ASF1A: variants seen among roughly 807,000 people sequenced by gnomAD.
The protein encoded by ASF1A is anti-silencing function 1A histone chaperone.
A neutral mutation model predicts 22.0 loss-of-function variants in ASF1A; 5 were observed. That is an observed-to-expected ratio of 0.23 (90% CI 0.12 to 0.48). ASF1A has a LOEUF of 0.48. Ranked by LOEUF, ASF1A falls within the 20% of genes least tolerant of loss-of-function variation. The probability of loss-of-function intolerance (pLI) is 0.99; values close to 1 mark genes in which losing one functional copy is unlikely to be tolerated. For missense variants in ASF1A, 137 were observed against 240.6 expected, an observed-to-expected ratio of 0.57 and a Z score of 2.85; for synonymous variants, 97 against 86.7, an observed-to-expected ratio of 1.12 and a Z score of -0.66.
intron 2 of ASF1A, among the ~76,000 whole-genome samples, chr6:118,903,743 G>A (rs1407206): frequency 0.076 from 11,632 of 152,196 alleles, 686 homozygotes; most frequent in East Asian, 0.19. Context: ...AGGGGGTGAA[G>A]TATTTCTTTT....
chr6:118,904,997 C>A (rs1019579346), intron 2 of ASF1A, among the ~76,000 whole-genome samples: 8 of 152,096 alleles, frequency 5.3e-5, no homozygotes, highest in African/African-American at 1.9e-4. Context: ...GCCACCATGC[C>A]CAGCTAATTT....
chr6:118,908,855 CTT>C lies in ASF1A; in HGVS notation c.*1244_*1245del, dbSNP rs1554261435. The C allele has an allele frequency of 6.6e-6, 1 of 152,596 alleles. No homozygotes were observed. The highest frequency in any genetic ancestry group is 1.5e-5 in the Non-Finnish European group (1 of 68,010). The allele number at this position is 152,596 out of a possible 1,614,324, so 9.5% of individuals were successfully genotyped here. On this transcript the variant is annotated 3_prime_UTR_variant, in exon 4 of 4. Coordinates refer to ENST00000229595, the MANE Select transcript of ASF1A (RefSeq NM_014034.3). ...TTATGCAGTGCCTTCATATCTAAAA[CTT>C]TTATACTGCACTTTTTAAAGCTTTT...
At position 118,907,649 on chromosome 6, in the gene ASF1A, T is replaced by A; in HGVS notation, c.*35T>A. On this transcript the variant is annotated 3_prime_UTR_variant, in exon 4 of 4. Coordinates refer to ENST00000229595, the MANE Select transcript of ASF1A (RefSeq NM_014034.3). ...ATCCCTTTAGTACAAATTAAGCTAT[T>A]AAAAATACACAGAACTATTTCCCTG... The A allele has an allele frequency of 6.6e-7, 1 of 1,509,318 alleles. No homozygotes were observed. The highest frequency in any genetic ancestry group is 9.2e-7 in the Non-Finnish European group (1 of 1,087,308). 93.5% of individuals were successfully genotyped at this position (1,509,318 alleles called of 1,614,324 possible). A position where few individuals can be genotyped will look rare whatever the true frequency, so the allele number is the denominator to read the frequency against.
intron 1 of ASF1A, among the ~76,000 whole-genome samples, chr6:118,898,547 C>T (rs1203838019): frequency 6.6e-6 from 1 of 151,838 alleles, no homozygotes; most frequent in African/African-American, 2.4e-5. Flanking sequence ...GCCTCAGCCT[C>T]CCGAGTAGCT....
chr6:118,903,342 C>A (rs1779935761), intron 2 of ASF1A, among the ~76,000 whole-genome samples: 1 of 152,100 alleles, frequency 6.6e-6, no homozygotes, highest in African/African-American at 2.4e-5. Context: ...GGCTGGCTGT[C>A]CCCTATCCTG....
chr6:118,896,976 C>T (rs1779463514), intron 1 of ASF1A, among the ~76,000 whole-genome samples: 1 of 151,964 alleles, frequency 6.6e-6, no homozygotes, highest in Admixed American at 6.6e-5. Flanking sequence ...TAGCTGGGAC[C>T]ATAGTCGATG....
At chr6:118,906,954 T>G (rs1303469565) in intron 3 of ASF1A, among the ~76,000 whole-genome samples, 1 of 152,228 alleles carries the variant, frequency 6.6e-6, no homozygotes, top group Non-Finnish European at 1.5e-5. Context: ...CAGGACTGTT[T>G]CTAAGAATGA....
chr6:118,906,778 G>A (rs1780207591), intron 3 of ASF1A, among the ~76,000 whole-genome samples: 1 of 152,208 alleles, frequency 6.6e-6, no homozygotes, highest in African/African-American at 2.4e-5. Context: ...TTTTGTGAGA[G>A]TGCAGAGTAA....
At chr6:118,894,715 T>G (rs1583573855) in intron 1 of ASF1A, among the ~76,000 whole-genome samples, 193 bp downstream of exon 1, 1 of 152,314 alleles carries the variant, frequency 6.6e-6, no homozygotes, top group Admixed American at 6.5e-5. Flanking sequence ...CCCAGGCGCC[T>G]GCCGGGCTCA....
intron 1 of ASF1A, among the ~76,000 whole-genome samples, 182 bp from the exon 2 acceptor site, chr6:118,900,582 ACT>A (rs1489061556): frequency 1.3e-5 from 2 of 152,076 alleles, no homozygotes; most frequent in Non-Finnish European, 2.9e-5. Context: ...ATTTTGAGAA[ACT>A]CTGATCAAAG....
intron 2 of ASF1A, among the ~76,000 whole-genome samples, chr6:118,904,721 T>C (rs954116310): frequency 1.3e-5 from 2 of 152,244 alleles, no homozygotes; most frequent in Non-Finnish European, 2.9e-5. Context: ...GTTTCCACAT[T>C]ATGTGTGGTT....
chr6:118,901,118 A>G lies in ASF1A; in HGVS notation c.225+237A>G, dbSNP rs1779773453. 4 of 379,258 alleles carry G rather than the reference A, an allele frequency of 1.1e-5. No homozygotes were observed. In the Admixed American group the frequency reaches 1.7e-4, roughly 16 times the overall value. 23.5% of individuals were successfully genotyped at this position (379,258 alleles called of 1,614,324 possible). On this transcript the variant is annotated intron_variant, in intron 2 of 3. Coordinates refer to ENST00000229595, the MANE Select transcript of ASF1A (RefSeq NM_014034.3). ...GACGTTTACTTTAGAGAGATGAACA[A>G]CCTACAGTAAATTTTATACTGTATC...
intron 3 of ASF1A, 140 bp from the exon 4 acceptor site, chr6:118,907,262 A>G (rs1583624753): frequency 1.6e-6 from 1 of 615,384 alleles, no homozygotes; most frequent in East Asian, 2.8e-5. Flanking sequence ...TATTTAAGGT[A>G]CTTAACTTGA....
intron 1 of ASF1A, among the ~76,000 whole-genome samples, chr6:118,895,364 C>A (rs1436929243): frequency 6.6e-6 from 1 of 152,184 alleles, no homozygotes; most frequent in Admixed American, 6.5e-5. Flanking sequence ...AGAAATAGAG[C>A]TGAGGTAGGA....
chr6:118,905,762 T>C lies in ASF1A; in HGVS notation c.336T>C (p.Tyr112=), dbSNP rs764534427. 1.2e-6 allele frequency: 2 copies of C among 1,613,332 alleles called. No homozygotes were observed. Among genetic ancestry groups the C allele is most frequent in the Non-Finnish European group, 1.7e-6 (2 of 1,179,480 alleles). The part of the protein sequence containing the change: ...RGQEFIRVGY[Y]VNNEYTETEL... ...AAGAATTTATTAGAGTTGGCTATTA[T>C]GTAAATAATGAATATACTGAGACAG... Residue 112 remains tyrosine (Y), a synonymous_variant, in exon 3 of 4, where the codon TAT becomes TAC. Transcript: ENST00000229595.
chr6:118,907,594 T>A lies in ASF1A; in HGVS notation c.595T>A (p.Ser199Thr), dbSNP rs761270719. 3 of 1,613,578 alleles carry A rather than the reference T, an allele frequency of 1.9e-6. No homozygotes were observed. The highest frequency in any genetic ancestry group is 2.5e-6 in the Non-Finnish European group (3 of 1,179,588). Residue 199 changes from serine to threonine, a missense_variant, in exon 4 of 4, where the codon TCC (serine) becomes ACC (threonine). This residue lies in a region of ASF1A where 41 missense variants were observed against 43.9 expected (regional missense o/e 0.93). Transcript: ENST00000229595. ...SENSLNVMLE[S>T]HMDCM ...AAACTCACTAAATGTCATGTTAGAA[T>A]CCCACATGGACTGCATGTGACCACC...
Position 118,905,589 on chromosome 6 carries a change from G to A in ASF1A, c.226-63G>A, listed in dbSNP as rs1780127378. On this transcript the variant is annotated intron_variant, in intron 2 of 3. Transcript: ENST00000229595. Reference sequence around the variant, plus strand: ...ATGGTTCTAGGTAACTGAAACTCCAGTCTTGCCTGCCACTAACAGCCTTTT... The same window carrying A: ...ATGGTTCTAGGTAACTGAAACTCCAATCTTGCCTGCCACTAACAGCCTTTT... The A allele has an allele frequency of 6.5e-6, 9 of 1,385,928 alleles. No individual in the cohort carries two copies. In the East Asian group the frequency reaches 2.2e-4, roughly 33 times the overall value. The allele number at this position is 1,385,928 out of a possible 1,614,324, so 85.9% of individuals were successfully genotyped here. A position where few individuals can be genotyped will look rare whatever the true frequency, so the allele number is the denominator to read the frequency against.
intron 2 of ASF1A, among the ~76,000 whole-genome samples, chr6:118,904,099 A>AG (rs1325687482): frequency 7.4e-6 from 1 of 135,436 alleles, no homozygotes; most frequent in East Asian, 2.1e-4. Context: ...ACCAAAGAGA[A>AG]AGAACATATC....
intron 1 of ASF1A, among the ~76,000 whole-genome samples, chr6:118,899,391 C>T (rs988889566): frequency 2.0e-5 from 3 of 152,178 alleles, no homozygotes; most frequent in Non-Finnish European, 4.4e-5. Flanking sequence ...TTTCATTCTG[C>T]TCCAGCCCTA....
Sources: allele counts gnomAD v4.1 joint callset (sites outside exome capture counted in the v4.1 genomes callset), GRCh38; gene constraint gnomAD v4.1.1; regional missense constraint gnomAD v4.1.1; transcripts MANE v1.5; gene names NCBI Gene and HGNC (gene_info 2026-07-23, HGNC 2026-07-21).